The following FZR1 variants were observed in gnomAD, a reference collection of about 807,000 sequenced individuals.
FZR1 encodes fizzy-related protein homolog.
Under a neutral mutation model 63.6 loss-of-function variants are expected in FZR1, and 11 were observed. The observed-to-expected ratio is 0.17, with a 90% CI of 0.11 to 0.29. The LOEUF is 0.29. Among genes scored for constraint, FZR1 ranks in the 10% least tolerant of loss-of-function variants. The pLI, the probability that FZR1 is intolerant of heterozygous loss-of-function variation, is 1.00. For synonymous variants in FZR1, 328 were observed against 297.9 expected, an observed-to-expected ratio of 1.10 and a Z score of -1.04; for missense variants, 440 against 687.5, an observed-to-expected ratio of 0.64 and a Z score of 4.03.
chr19:3,515,699 G>T lies in FZR1; in HGVS notation c.-34-7257G>T, dbSNP rs2083053982. Among the ~76,000 whole-genome samples the T allele has an allele frequency of 6.6e-6, 1 of 151,796 alleles. No homozygotes were observed. Among genetic ancestry groups the T allele is most frequent in the Non-Finnish European group, 1.5e-5 (1 of 67,940 alleles). On this transcript the variant is annotated intron_variant, in intron 1 of 13. Transcript: ENST00000441788. The surrounding 1 kb of genome is among the most constrained non-coding windows in gnomAD (Gnocchi z 4.6). ...GGAGAATGGTGTGAACCAGGAGGCG[G>T]AGCTTGCAGTGAGCAGAGATCGCAC...
chr19:3,523,124 C>A, intron 2 of FZR1, 66 bp downstream of exon 2: 1 of 991,148 alleles, frequency 1.0e-6, no homozygotes, highest in Non-Finnish European at 1.6e-6. Context: ...CCCTGGCCAG[C>A]AGCCTCAGGT....
intron 1 of FZR1, among the ~76,000 whole-genome samples, chr19:3,517,663 G>A (rs2083068294): frequency 1.3e-5 from 2 of 151,568 alleles, no homozygotes; most frequent in South Asian, 2.1e-4. Flanking sequence ...ACTCCAGCCT[G>A]GGCAAAAAGA....
At chr19:3,512,169 T>C (rs1014078960) in intron 1 of FZR1, among the ~76,000 whole-genome samples, 4 of 152,212 alleles carry the variant, frequency 2.6e-5, no homozygotes, top group African/African-American at 9.7e-5. Flanking sequence ...GGCACCGCCA[T>C]GCCCAAGGAC....
intron 6 of FZR1, 67 bp from the exon 7 acceptor site, chr19:3,527,564 T>C: frequency 7.6e-7 from 1 of 1,322,238 alleles, no homozygotes; most frequent in Non-Finnish European, 1.0e-6. Context: ...AGGAGACACT[T>C]CCCAAGCGTT....
chr19:3,522,559 T>C (rs2121942772), intron 1 of FZR1, among the ~76,000 whole-genome samples: 1 of 152,292 alleles, frequency 6.6e-6, no homozygotes, highest in Non-Finnish European at 1.5e-5. Flanking sequence ...CTGGTGTGGC[T>C]TGTTGAACCC....
At position 3,526,279 on chromosome 19, in the gene FZR1, C is replaced by G; in HGVS notation, c.280C>G (p.Leu94Val). 2 of 1,610,684 alleles carry G rather than the reference C, an allele frequency of 1.2e-6. No homozygotes were observed. Among genetic ancestry groups the G allele is most frequent in the Non-Finnish European group, 8.5e-7 (1 of 1,179,166 alleles). Residue 94 changes from leucine (L) to valine (V), a missense_variant, in exon 5 of 14, where the codon CTG becomes GTG. Coordinates refer to ENST00000441788, the MANE Select transcript of FZR1 (RefSeq NM_016263.4). This position sits in a 1 kb window ranked among gnomAD's most constrained non-coding sequence, Gnocchi z 5.4. ...CGCAGACGGCCTGGCCTACTCTGCC[C>G]TGCTCAAGAATGAGCTGCTGGGTGC... ...NGKDGLAYSALLKNELLGAGI... is the reference protein window; with the variant it reads ...NGKDGLAYSAVLKNELLGAGI...
chr19:3,527,942 GCCTCCCAGCCTCCCAGCCACAGC>G, intron 7 of FZR1, 128 bp downstream of exon 7: 2 of 584,954 alleles, frequency 3.4e-6, no homozygotes, highest in Non-Finnish European at 5.7e-6. Context: ...CCTAGCTGGG[GCCTCCCAGCCTCCCAGCCACAGC>G]CCTCCCAGCC....
intron 7 of FZR1, among the ~76,000 whole-genome samples, chr19:3,529,351 G>C (rs2083205068): frequency 6.7e-6 from 1 of 149,452 alleles, no homozygotes; most frequent in Non-Finnish European, 1.5e-5. Context: ...TGAGGGAGTG[G>C]ATGGGAGAGC....
chr19:3,531,947 G>C lies in FZR1; in HGVS notation c.860G>C (p.Gly287Ala). 1 of 1,591,316 alleles carries C rather than the reference G, an allele frequency of 6.3e-7. No homozygotes were observed. The highest frequency in any genetic ancestry group is 8.5e-7 in the Non-Finnish European group (1 of 1,172,614). Reference sequence around the variant, plus strand: ...TGGAATGCTGAGCAGCTGTCGTCCGGGAGCCGCGACCGCATGATCCTGCAG... The same window carrying C: ...TGGAATGCTGAGCAGCTGTCGTCCGCGAGCCGCGACCGCATGATCCTGCAG... ...LAWNAEQLSS[G>A]SRDRMILQRD... Residue 287 changes from glycine to alanine, a missense_variant, in exon 10 of 14, where the codon GGG becomes GCG. Gly to Ala is a moderately conservative substitution (Grantham distance 60). This residue lies in a region of FZR1 where 208 missense variants were observed against 363.6 expected (regional missense o/e 0.57). Coordinates refer to ENST00000441788, the MANE Select transcript of FZR1 (RefSeq NM_016263.4).
chr19:3,521,001 C>T (rs576001868), intron 1 of FZR1, among the ~76,000 whole-genome samples: 3 of 152,212 alleles, frequency 2.0e-5, no homozygotes, highest in Non-Finnish European at 2.9e-5. Context: ...CAGGGTGCAA[C>T]GTCCTCAGGG....
intron 7 of FZR1, among the ~76,000 whole-genome samples, chr19:3,530,108 G>A (rs999446497): frequency 3.8e-5 from 5 of 131,874 alleles, no homozygotes; most frequent in Non-Finnish European, 6.6e-5. Flanking sequence ...GAGTGGTTGA[G>A]GGAGCGGATG....
At chr19:3,532,755 C>A in intron 11 of FZR1, 105 bp downstream of exon 11, 1 of 806,160 alleles carries the variant, frequency 1.2e-6, no homozygotes, top group South Asian at 1.5e-5. Flanking sequence ...GTCAGAGTCG[C>A]TCTGAAGGGA....
Position 3,515,982 on chromosome 19 carries a change from C to T in FZR1, c.-34-6974C>T, listed in dbSNP as rs111928537. On this transcript the variant is annotated intron_variant, in intron 1 of 13. Coordinates refer to ENST00000441788, the MANE Select transcript of FZR1 (RefSeq NM_016263.4). The surrounding 1 kb of genome is among the most constrained non-coding windows in gnomAD (Gnocchi z 4.6). The stretch of plus-strand genomic sequence containing the variant: ...CCGCTCCCTGTCTGATGGCCTCTTG[C>T]GTCTTCCACTCTGACTAGCTGCCGC... 9.3e-4 allele frequency among the ~76,000 whole-genome samples: 142 copies of T among 152,254 alleles called. No individual in the cohort carries two copies. The highest frequency in any genetic ancestry group is 1.8e-3 in the Non-Finnish European group (121 of 68,016).
In FZR1 at chr19:3,526,475, G is replaced by A. The variant is rs888207647; in HGVS notation, c.387+89G>A. On this transcript the variant is annotated intron_variant, in intron 5 of 13. Transcript: ENST00000441788. This position sits in a 1 kb window ranked among gnomAD's most constrained non-coding sequence, Gnocchi z 5.4. ...TCCCAGGCACCAGCTCTGCCTCCCC[G>A]AGCCCGGTTCTCGGGCCCAGCCACG... 2.0e-5 allele frequency: 22 copies of A among 1,119,698 alleles called. No individual in the cohort carries two copies. Among genetic ancestry groups the A allele is most frequent in the African/African-American group, 1.8e-4 (12 of 65,020 alleles). 69.4% of individuals were successfully genotyped at this position (1,119,698 alleles called of 1,614,324 possible). A position where few individuals can be genotyped will look rare whatever the true frequency, so the allele number is the denominator to read the frequency against.
chr19:3,532,492 G>A lies in FZR1; in HGVS notation c.1084G>A (p.Ala362Thr), dbSNP rs371550562. The change falls in exon 11 of 14, where the codon GCC becomes ACC. Residue 362 changes from alanine (A) to threonine (T), a missense_variant. Ala to Thr is a moderately conservative substitution (Grantham distance 58, BLOSUM62 0). Coordinates refer to ENST00000441788, the MANE Select transcript of FZR1 (RefSeq NM_016263.4). ...TEHLAAVKAI[A>T]WSPHQHGLLA... ...GCACCTGGCGGCCGTGAAGGCCATCGCCTGGTCCCCACATCAGCACGGGCT... is the reference window on the plus strand; with the variant it reads ...GCACCTGGCGGCCGTGAAGGCCATCACCTGGTCCCCACATCAGCACGGGCT... 3.6e-5 allele frequency: 58 copies of A among 1,607,116 alleles called. No homozygotes were observed. In the Middle Eastern group the frequency reaches 4.9e-4, roughly 14 times the overall value.
rs1229449706 is a variant in FZR1, at chr19:3,526,263, C to T, written c.264C>T (p.Gly88=). Residue 88 remains glycine, a synonymous_variant, in exon 5 of 14, where the codon GGC becomes GGT. Coordinates refer to ENST00000441788, the MANE Select transcript of FZR1 (RefSeq NM_016263.4). This position sits in a 1 kb window ranked among gnomAD's most constrained non-coding sequence, Gnocchi z 5.4. ...CACTGTGCTTGGTGCCCGCAGACGG[C>T]CTGGCCTACTCTGCCCTGCTCAAGA... ...KDATSDNGKD[G]LAYSALLKNE... The T allele has an allele frequency of 4.3e-6, 7 of 1,611,454 alleles. No individual in the cohort carries two copies. In the Admixed American group the frequency reaches 8.3e-5, roughly 19 times the overall value.
At chr19:3,530,109 GGAGCGGATGGGT>G (rs2083225380) in intron 7 of FZR1, among the ~76,000 whole-genome samples, 2 of 112,420 alleles carry the variant, frequency 1.8e-5, no homozygotes, top group Non-Finnish European at 3.7e-5. Flanking sequence ...AGTGGTTGAG[GGAGCGGATGGGT>G]GAGCGGATGG....
intron 8 of FZR1, 69 bp downstream of exon 8, chr19:3,530,926 A>C: frequency 7.9e-7 from 1 of 1,273,054 alleles, no homozygotes; most frequent in Non-Finnish European, 1.1e-6. Context: ...GGGGGCCTTG[A>C]AGACCCAGAG....
Position 3,525,759 on chromosome 19 carries a change from A to G in FZR1, c.70-109A>G. On this transcript the variant is annotated intron_variant, in intron 2 of 13. Transcript: ENST00000441788. The surrounding 1 kb of genome is among the most constrained non-coding windows in gnomAD (Gnocchi z 4.2). ...GCCTGGCCCACCCCTTGGGTTTTCA[A>G]GATCAAAGCCCCCTTTGCTCAGTGG... 7.3e-7 allele frequency: 1 copy of G among 1,376,548 alleles called. No homozygotes were observed. The highest frequency in any genetic ancestry group is 9.9e-7 in the Non-Finnish European group (1 of 1,012,210). The allele number at this position is 1,376,548 out of a possible 1,614,324, so 85.3% of individuals were successfully genotyped here.
Sources: allele counts gnomAD v4.1 joint callset (sites outside exome capture counted in the v4.1 genomes callset), GRCh38; gene constraint gnomAD v4.1.1; regional missense constraint gnomAD v4.1.1; non-coding constraint Gnocchi (gnomAD v3.1); transcripts MANE v1.5; gene names NCBI Gene and HGNC (gene_info 2026-07-23, HGNC 2026-07-21).